DYM: variants seen among roughly 807,000 people sequenced by gnomAD.
The protein encoded by DYM is dymeclin, also known as dyggve-Melchior-Clausen syndrome protein.
Under a neutral mutation model 93.1 loss-of-function variants are expected in DYM, and 78 were observed. That is an observed-to-expected ratio of 0.84 (90% CI 0.70 to 1.01). The LOEUF (loss-of-function observed/expected upper bound fraction) is 1.01, where lower values mean the gene tolerates loss of function less well. Ranked by LOEUF, DYM falls within the 50% of genes least tolerant of loss-of-function variation. The pLI is 0.00. For synonymous variants in DYM, 321 were observed against 319.7 expected (o/e 1.00, Z -0.04); for missense variants, 789 against 845.0 (o/e 0.93, Z 0.82).
intron 15 of DYM, among the ~76,000 whole-genome samples, chr18:49,135,747 A>ATT (rs1478950320): frequency 6.6e-6 from 1 of 152,204 alleles, no homozygotes; most frequent in East Asian, 1.9e-4. Context: ...AGTACATTAC[A>ATT]ATGAAATGCT....
At chr18:49,071,887 T>C (rs956653697) in intron 17 of DYM, among the ~76,000 whole-genome samples, 14 of 152,180 alleles carry the variant, frequency 9.2e-5, no homozygotes, top group Non-Finnish European at 2.1e-4. Context: ...AATAAGGTTG[T>C]TTCTACTGCT....
chr18:49,062,544 G>A (rs1244982708), intron 17 of DYM, among the ~76,000 whole-genome samples: 3 of 152,216 alleles, frequency 2.0e-5, no homozygotes, highest in Non-Finnish European at 2.9e-5. Context: ...TAAGATTCCC[G>A]AGACAAGAGT....
At chr18:49,197,705 A>C (rs1169106818) in intron 14 of DYM, among the ~76,000 whole-genome samples, 1 of 152,232 alleles carries the variant, frequency 6.6e-6, no homozygotes, top group Admixed American at 6.5e-5. Context: ...GGAGAACTAC[A>C]AACCACTGCT....
intron 8 of DYM, among the ~76,000 whole-genome samples, chr18:49,325,931 T>C (rs1470946911): frequency 6.6e-6 from 1 of 152,130 alleles, no homozygotes; most frequent in Non-Finnish European, 1.5e-5. Context: ...AAACAACACA[T>C]TTCCTCAGTA....
At chr18:49,103,951 G>C (rs1467680623) in intron 16 of DYM, among the ~76,000 whole-genome samples, 2 of 151,974 alleles carry the variant, frequency 1.3e-5, no homozygotes, top group Non-Finnish European at 2.9e-5. Context: ...CTGTGAAGAA[G>C]GTCATTGGTA....
chr18:49,290,417 T>G (rs903996684), intron 8 of DYM, among the ~76,000 whole-genome samples: 1 of 152,050 alleles, frequency 6.6e-6, no homozygotes, highest in Non-Finnish European at 1.5e-5. Context: ...AAACAGAGAT[T>G]ATCTCTAGAG....
rs535766592 is a variant in DYM, at chr18:49,093,022, A to C, written c.2025+4380T>G. ...CAAGATTTTGGCTGAGAAGAAGGAG[A>C]GAAATAGGAATCCAGAGGCAGGGTG... On this transcript the variant is annotated intron_variant, in intron 17 of 17. Coordinates refer to ENST00000675505, the MANE Select transcript of DYM (RefSeq NM_001353214.3). Among the ~76,000 whole-genome samples the C allele has an allele frequency of 1.6e-3, 244 of 152,332 alleles. 2 individuals carry two copies. Among genetic ancestry groups the C allele is most frequent in the Middle Eastern group, 3.4e-3 (1 of 294 alleles).
intron 13 of DYM, among the ~76,000 whole-genome samples, chr18:49,214,621 C>T (rs1291025140): frequency 6.6e-6 from 1 of 151,418 alleles, no homozygotes; most frequent in Non-Finnish European, 1.5e-5. Context: ...GGAAGAGGGG[C>T]TGAAGGGGCT....
intron 2 of DYM, among the ~76,000 whole-genome samples, chr18:49,420,977 A>G (rs1311487280): frequency 1.3e-5 from 2 of 152,182 alleles, no homozygotes; most frequent in East Asian, 1.9e-4. Context: ...GGCACCTGCC[A>G]TTGCTGAGGC....
At chr18:49,301,226 A>C (rs1401835824) in intron 8 of DYM, among the ~76,000 whole-genome samples, 1 of 152,218 alleles carries the variant, frequency 6.6e-6, no homozygotes, top group African/African-American at 2.4e-5. Context: ...AAAAAGAATT[A>C]AGAAGGTTCC....
At chr18:49,420,607 G>A (rs1187471233) in intron 2 of DYM, among the ~76,000 whole-genome samples, 1 of 152,128 alleles carries the variant, frequency 6.6e-6, no homozygotes, top group African/African-American at 2.4e-5. Flanking sequence ...ACAGAAGACG[G>A]GTGATTTCTG....
At chr18:49,237,465 G>A (rs2093906340) in intron 13 of DYM, among the ~76,000 whole-genome samples, 1 of 152,036 alleles carries the variant, frequency 6.6e-6, no homozygotes, top group South Asian at 2.1e-4. Flanking sequence ...TATACAACAA[G>A]ACATCAATTT....
At chr18:49,238,845 T>C (rs1350365129) in intron 13 of DYM, among the ~76,000 whole-genome samples, 1 of 151,202 alleles carries the variant, frequency 6.6e-6, no homozygotes, top group African/African-American at 2.4e-5. Flanking sequence ...CCACTGTGAA[T>C]ACATAATCAA....
intron 8 of DYM, among the ~76,000 whole-genome samples, chr18:49,294,229 T>C (rs551239435): frequency 2.0e-5 from 3 of 152,216 alleles, no homozygotes; most frequent in Non-Finnish European, 2.9e-5. Flanking sequence ...TCTTATAGTA[T>C]AGTTTGAAGT....
intron 2 of DYM, among the ~76,000 whole-genome samples, chr18:49,409,260 G>A (rs2071905588): frequency 6.7e-6 from 1 of 148,860 alleles, no homozygotes; most frequent in Non-Finnish European, 1.5e-5. Flanking sequence ...CTCTAGTCTG[G>A]GTGACAGAGT....
intron 2 of DYM, among the ~76,000 whole-genome samples, chr18:49,415,400 A>C (rs1318578357): frequency 6.6e-6 from 1 of 150,536 alleles, no homozygotes; most frequent in Non-Finnish European, 1.5e-5. Flanking sequence ...AATGTTAACA[A>C]GTTACTCTTG....
At chr18:49,080,371 TG>T (rs1434239367) in intron 17 of DYM, among the ~76,000 whole-genome samples, 2 of 126,742 alleles carry the variant, frequency 1.6e-5, no homozygotes, top group African/African-American at 3.0e-5. Context: ...ACGGGGTGGC[TG>T]GCCGGGCGAG....
chr18:49,251,047 G>C (rs2080090953), intron 13 of DYM, among the ~76,000 whole-genome samples: 2 of 152,218 alleles, frequency 1.3e-5, no homozygotes, highest in South Asian at 4.1e-4. Context: ...CTAGATGTCA[G>C]TAGCAACCTC....
chr18:49,061,298 G>C (rs959467541), intron 17 of DYM, among the ~76,000 whole-genome samples: 4 of 152,124 alleles, frequency 2.6e-5, no homozygotes, highest in African/African-American at 9.7e-5. Context: ...GTAAACAAAG[G>C]GTAGGATTTG....
Sources: allele counts gnomAD v4.1 joint callset (sites outside exome capture counted in the v4.1 genomes callset), GRCh38; gene constraint gnomAD v4.1.1; transcripts MANE v1.5; gene names NCBI Gene and HGNC (gene_info 2026-07-23, HGNC 2026-07-21).